The following TUT1 variants were observed in gnomAD, a reference collection of about 807,000 sequenced individuals.
The protein encoded by TUT1 is terminal uridylyl transferase 1, U6 snRNA-specific, also known as speckle targeted PIP5K1A-regulated poly(A) polymerase.
A neutral mutation model predicts 48.8 loss-of-function variants in TUT1; 26 were observed. The ratio of observed to expected loss-of-function variants is 0.53; its 90% CI spans 0.39 to 0.74. The LOEUF is 0.74. TUT1 is among the 30% of genes least tolerant of loss of function. The probability of loss-of-function intolerance (pLI) is 0.00; values close to 1 mark genes in which losing one functional copy is unlikely to be tolerated. For missense variants in TUT1, 1,065 were observed against 1,114.8 expected (o/e 0.96, Z 0.64); for synonymous variants, 470 against 460.8 (o/e 1.02, Z -0.26).
chr11:62,578,452 G>A, intron 5 of TUT1, 109 bp downstream of exon 5: 1 of 1,045,006 alleles, frequency 9.6e-7, no homozygotes, highest in South Asian at 1.7e-5. Flanking sequence ...GGCTGAGGCA[G>A]GAGAATCACT....
chr11:62,589,548 C>T (rs1941975968), intron 1 of TUT1, among the ~76,000 whole-genome samples: 1 of 152,148 alleles, frequency 6.6e-6, no homozygotes, highest in Non-Finnish European at 1.5e-5. Flanking sequence ...GGACTACAGG[C>T]GTGTGTCACC....
chr11:62,587,257 A>C (rs569093838), intron 2 of TUT1, among the ~76,000 whole-genome samples: 1 of 152,120 alleles, frequency 6.6e-6, no homozygotes, highest in Admixed American at 6.5e-5. Context: ...TGTCGGCTCA[A>C]GGCAGCCTCC....
chr11:62,579,296 C>A (rs896694403), intron 4 of TUT1, among the ~76,000 whole-genome samples: 12 of 152,054 alleles, frequency 7.9e-5, no homozygotes, highest in African/African-American at 2.9e-4. Flanking sequence ...TGTAACAGTC[C>A]ATTGACAGGA....
chr11:62,588,592 G>A (rs1394165280), intron 2 of TUT1, among the ~76,000 whole-genome samples: 10 of 152,210 alleles, frequency 6.6e-5, no homozygotes, highest in Admixed American at 6.5e-4. Flanking sequence ...AGCTGGTCTA[G>A]CCCAAGTACT....
chr11:62,581,328 CAGACACAGG>C, intron 3 of TUT1, 49 bp downstream of exon 3: 1 of 1,565,098 alleles, frequency 6.4e-7, no homozygotes, highest in Non-Finnish European at 8.7e-7. Context: ...ACTGGGGATA[CAGACACAGG>C]AGAGCAAAGG....
intron 1 of TUT1, 186 bp downstream of exon 1, chr11:62,591,218 G>A (rs1942007117): frequency 1.0e-5 from 7 of 694,564 alleles, no homozygotes; most frequent in Non-Finnish European, 1.2e-5. Context: ...ATATACTGAG[G>A]AGTGTAATGT....
chr11:62,589,117 A>C lies in TUT1; in HGVS notation c.187T>G (p.Phe63Val). Residue 63 changes from phenylalanine (F) to valine (V), a missense_variant, in exon 2 of 9, where the codon TTT (phenylalanine) becomes GTT (valine). By Grantham distance (50) the Phe-to-Val change is conservative. Transcript: ENST00000476907. Reference protein sequence around the residue: ...QGLRSVFVSGFPRDVDSAQLS... With the variant: ...QGLRSVFVSGVPRDVDSAQLS... Reference sequence around the variant, plus strand: ...TGAGCAGAATCCACATCCCTGGGAAAGCCACTGACAAACACACTTCGAAGT... The same window carrying C: ...TGAGCAGAATCCACATCCCTGGGAACGCCACTGACAAACACACTTCGAAGT... The C allele has an allele frequency of 1.2e-6, 2 of 1,614,256 alleles. No homozygotes were observed. The highest frequency in any genetic ancestry group is 2.2e-5 in the South Asian group (2 of 91,090).
chr11:62,575,391 T>A lies in TUT1; in HGVS notation c.2328A>T (p.Gln776His). The change falls in exon 9 of 9, where the codon CAA (glutamine) becomes CAT (histidine). Residue 776 changes from glutamine (Q) to histidine (H), a missense_variant. Gln to His is a conservative substitution (Grantham distance 24, BLOSUM62 0). Coordinates refer to ENST00000476907, the MANE Select transcript of TUT1 (RefSeq NM_022830.3). ...AGCGTCTACGGGCTCGCCGCCGCCC[T>A]TGCCACACTCGGTGCCACAAGGCAC... ...WRCALWHRVW[Q>H]GRRRARRRLQ... is the part of the protein sequence containing the mutation. 1.2e-6 allele frequency: 2 copies of A among 1,612,550 alleles called. No individual in the cohort carries two copies. Among genetic ancestry groups the A allele is most frequent in the Non-Finnish European group, 1.7e-6 (2 of 1,180,014 alleles).
chr11:62,576,444 G>C (rs1941729310), intron 8 of TUT1, 200 bp from the exon 9 acceptor site: 1 of 796,594 alleles, frequency 1.3e-6, no homozygotes, highest in African/African-American at 1.7e-5. Flanking sequence ...TCCTTGCCCA[G>C]ATGCTGCTGC....
At chr11:62,584,523 C>CCT (rs1427411994) in intron 2 of TUT1, among the ~76,000 whole-genome samples, 1 of 150,034 alleles carries the variant, frequency 6.7e-6, no homozygotes, top group Non-Finnish European at 1.5e-5. Context: ...CTCACAGCAA[C>CCT]CTCTGCCTCC....
intron 1 of TUT1, among the ~76,000 whole-genome samples, chr11:62,590,667 G>A (rs1057372122): frequency 2.0e-5 from 3 of 150,522 alleles, no homozygotes; most frequent in Non-Finnish European, 4.4e-5. Flanking sequence ...AAAGAAATTA[G>A]CCAAGTATGG....
Position 62,575,670 on chromosome 11 carries a change from G to A in TUT1, c.2049C>T (p.Asp683=), listed in dbSNP as rs139921723. 5.5e-4 allele frequency: 880 copies of A among 1,613,914 alleles called. 7 individuals are homozygous for A. In the African/African-American group the frequency reaches 0.01, roughly 18 times the overall value. ...GKEEQQGCAG[D]GGEDRVEEMV... ...TCTCTTCTACCCTGTCTTCCCCACCGTCCCCTGCACATCCCTGCTGCTCCT... is the reference window on the plus strand; with the variant it reads ...TCTCTTCTACCCTGTCTTCCCCACCATCCCCTGCACATCCCTGCTGCTCCT... The change falls in exon 9 of 9, where the codon GAC becomes GAT. Residue 683 remains aspartate, a synonymous_variant. Coordinates refer to ENST00000476907, the MANE Select transcript of TUT1 (RefSeq NM_022830.3).
At chr11:62,577,412 A>C (rs1227920169) in intron 5 of TUT1, 121 bp from the exon 6 acceptor site, 2 of 755,448 alleles carry the variant, frequency 2.6e-6, no homozygotes, top group Admixed American at 2.8e-5. Context: ...CAGTTTCCCC[A>C]AATGTTGCTC....
intron 1 of TUT1, among the ~76,000 whole-genome samples, chr11:62,590,925 G>A (rs963147845): frequency 6.6e-6 from 1 of 151,842 alleles, no homozygotes; most frequent in African/African-American, 2.4e-5. Flanking sequence ...GGTACCTTAT[G>A]GTCTAGTCAT....
chr11:62,578,703 T>G lies in TUT1; in HGVS notation c.1018A>C (p.Met340Leu). Reference protein sequence around the residue: ...PKEEKAEGAAMLELVGSILRG... With the variant: ...PKEEKAEGAALLELVGSILRG... ...AGAATGGATCCCACCAGCTCCAGCA[T>G]TGCTGCCCCCTCTGCTTTCTCCTCC... is the stretch of plus-strand genomic sequence containing the variant. The change falls in exon 5 of 9, where the codon ATG (methionine) becomes CTG (leucine). Residue 340 changes from methionine to leucine, a missense_variant. Physicochemically the swap from Met to Leu is conservative, Grantham distance 15 (BLOSUM62 2). Transcript: ENST00000476907. 1 of 1,614,192 alleles carries G rather than the reference T, an allele frequency of 6.2e-7. No homozygotes were observed. The highest frequency in any genetic ancestry group is 2.2e-5 in the East Asian group (1 of 44,886).
At position 62,576,600 on chromosome 11, in the gene TUT1, G is replaced by A. The variant is rs1941732403; in HGVS notation, c.1474+57C>T. The A allele has an allele frequency of 4.2e-6, 6 of 1,434,998 alleles. No homozygotes were observed. In the Admixed American group the frequency reaches 1.0e-4, roughly 24 times the overall value. 88.9% of individuals were successfully genotyped at this position (1,434,998 alleles called of 1,614,324 possible). A position where few individuals can be genotyped will look rare whatever the true frequency, so the allele number is the denominator to read the frequency against. ...CTGGCACACAGTTAGTGTGATATAT[G>A]TTACCTACTGTTGATGAACATCATT... On this transcript the variant is annotated intron_variant, in intron 8 of 8. Transcript: ENST00000476907.
Position 62,576,863 on chromosome 11 carries a change from G to C in TUT1, c.1381+44C>G, listed in dbSNP as rs1041547753. ...GTATCTAAGTGTGATGAAGAAGAGA[G>C]AGGAAACTAACAAGATGGAGAGGGT... is the stretch of plus-strand genomic sequence containing the variant. On this transcript the variant is annotated intron_variant, in intron 7 of 8. Transcript: ENST00000476907. 4 of 1,603,220 alleles carry C rather than the reference G, an allele frequency of 2.5e-6. No homozygotes were observed. The African/African-American group carries it at 4.0e-5, about 16-fold the overall frequency.
At chr11:62,586,785 A>G (rs566383217) in intron 2 of TUT1, among the ~76,000 whole-genome samples, 11 of 147,652 alleles carry the variant, frequency 7.4e-5, no homozygotes, top group Non-Finnish European at 1.2e-4. Context: ...GTGTGGTGGC[A>G]CGCGCCTGCA....
intron 2 of TUT1, among the ~76,000 whole-genome samples, chr11:62,587,093 A>AT (rs1491120122): frequency 4.6e-3 from 4 of 862 alleles, no homozygotes; most frequent in Non-Finnish European, 0.045. Flanking sequence ...ACTCCCTCTC[A>AT]AAAAAAAAAA....
Sources: gnomAD v4.1 joint callset for allele counts (sites outside exome capture counted in the v4.1 genomes callset) on GRCh38, gnomAD v4.1.1 for gene constraint, MANE v1.5 for transcripts, NCBI Gene and HGNC (gene_info 2026-07-23, HGNC 2026-07-21) for gene names.